The following CTNNA3 variants were observed in gnomAD, a reference collection of about 807,000 sequenced individuals.
The protein encoded by CTNNA3 is catenin alpha 3, also known as catenin alpha-3.
A neutral mutation model predicts 95.7 loss-of-function variants in CTNNA3; 76 were observed. That is an observed-to-expected ratio of 0.79 (90% CI 0.66 to 0.96). The LOEUF (loss-of-function observed/expected upper bound fraction) is 0.96. CTNNA3 is among the 40% of genes least tolerant of loss of function. The probability of loss-of-function intolerance (pLI) is 0.00; values close to 1 mark genes in which losing one functional copy is unlikely to be tolerated. For missense variants in CTNNA3, 1,191 were observed against 1,089.8 expected (o/e 1.09, Z -1.31); for synonymous variants, 431 against 374.4 (o/e 1.15, Z -1.74).
At chr10:67,726,432 C>CTAATATATAATATTATATATT (rs1841220663) in intron 1 of CTNNA3, among the ~76,000 whole-genome samples, 1 of 51,408 alleles carries the variant, frequency 1.9e-5, no homozygotes, top group African/African-American at 1.5e-4. Context: ...TATATTATAT[C>CTAATATATAATATTATATATT]ATATATAATA....
At chr10:67,548,221 A>G (rs918394305) in intron 3 of CTNNA3, among the ~76,000 whole-genome samples, 4 of 152,160 alleles carry the variant, frequency 2.6e-5, no homozygotes, top group African/African-American at 9.7e-5. Context: ...TCATGTGACA[A>G]TGCTAGCTCC....
At chr10:66,421,730 G>A (rs1456432420) in intron 11 of CTNNA3, among the ~76,000 whole-genome samples, 2 of 150,894 alleles carry the variant, frequency 1.3e-5, no homozygotes, top group Non-Finnish European at 3.0e-5. Context: ...CAGCTACTCG[G>A]GAGGCTGAGG....
intron 13 of CTNNA3, among the ~76,000 whole-genome samples, chr10:66,167,266 G>A (rs1446425798): frequency 6.6e-6 from 1 of 151,990 alleles, no homozygotes; most frequent in Non-Finnish European, 1.5e-5. Flanking sequence ...ATTTTAAAAG[G>A]AGGCAAATAG....
intron 10 of CTNNA3, among the ~76,000 whole-genome samples, chr10:66,573,492 G>A (rs554971014): frequency 8.5e-5 from 13 of 152,226 alleles, no homozygotes; most frequent in African/African-American, 3.1e-4. Flanking sequence ...AATTCTAAGT[G>A]TTTCACACAA....
chr10:67,683,193 T>C (rs1840660109), intron 1 of CTNNA3, among the ~76,000 whole-genome samples: 1 of 152,178 alleles, frequency 6.6e-6, no homozygotes, highest in South Asian at 2.1e-4. Flanking sequence ...ATCCTGCAAA[T>C]TCCCATGAAA....
At chr10:67,134,332 G>A (rs994373225) in intron 7 of CTNNA3, among the ~76,000 whole-genome samples, 4 of 152,106 alleles carry the variant, frequency 2.6e-5, no homozygotes, top group Non-Finnish European at 5.9e-5. Context: ...AAGTGATAAC[G>A]AGACTGATAA....
intron 17 of CTNNA3, among the ~76,000 whole-genome samples, chr10:65,949,112 G>A (rs1377560631): frequency 6.6e-6 from 1 of 151,964 alleles, no homozygotes; most frequent in South Asian, 2.1e-4. Flanking sequence ...TTTTTTGCTT[G>A]TCTTTTCTTT....
intron 3 of CTNNA3, among the ~76,000 whole-genome samples, chr10:67,587,727 C>CCTGTAT (rs1214610084): frequency 3.3e-5 from 5 of 152,068 alleles, no homozygotes; most frequent in Non-Finnish European, 5.9e-5. Flanking sequence ...CACTGAGCTT[C>CCTGTAT]CTGTATCTGG....
At chr10:67,495,882 T>G (rs541099550) in intron 5 of CTNNA3, among the ~76,000 whole-genome samples, 3 of 152,312 alleles carry the variant, frequency 2.0e-5, no homozygotes, top group Admixed American at 6.5e-5. Flanking sequence ...CTAACCTGTA[T>G]AGTAGGCACT....
intron 2 of CTNNA3, among the ~76,000 whole-genome samples, chr10:67,643,391 T>C (rs945246374): frequency 3.3e-5 from 5 of 151,986 alleles, no homozygotes; most frequent in African/African-American, 1.2e-4. Context: ...GATGGGATGA[T>C]CTGTGCAGCC....
chr10:66,632,871 C>T (rs1167085437), intron 9 of CTNNA3, among the ~76,000 whole-genome samples: 6 of 151,700 alleles, frequency 4.0e-5, no homozygotes, highest in African/African-American at 1.5e-4. Context: ...GAAAAAAGGC[C>T]ATTAAAAATG....
chr10:67,178,382 CTTTA>C (rs1342220618), intron 7 of CTNNA3, among the ~76,000 whole-genome samples: 1 of 151,992 alleles, frequency 6.6e-6, no homozygotes, highest in Non-Finnish European at 1.5e-5. Flanking sequence ...TATATAGTCA[CTTTA>C]TAAGTACCTC....
intron 15 of CTNNA3, among the ~76,000 whole-genome samples, chr10:65,995,813 A>G (rs1292885194): frequency 6.6e-6 from 1 of 152,152 alleles, no homozygotes; most frequent in African/African-American, 2.4e-5. Context: ...AGCACCTGAA[A>G]TACTTGCACT....
At chr10:67,598,790 A>T (rs1842997955) in intron 3 of CTNNA3, among the ~76,000 whole-genome samples, 3 of 152,172 alleles carry the variant, frequency 2.0e-5, no homozygotes, top group Admixed American at 2.0e-4. Flanking sequence ...TTAAGATGTC[A>T]CAGGACAGAG....
At chr10:66,775,030 C>G (rs539583121) in intron 8 of CTNNA3, among the ~76,000 whole-genome samples, 24 of 152,298 alleles carry the variant, frequency 1.6e-4, no homozygotes, top group African/African-American at 5.8e-4. Flanking sequence ...ATGATGAACT[C>G]TGATGTAATA....
intron 7 of CTNNA3, among the ~76,000 whole-genome samples, chr10:66,969,737 TTTTG>T (rs1316065748): frequency 6.6e-6 from 1 of 152,216 alleles, no homozygotes; most frequent in East Asian, 1.9e-4. Flanking sequence ...AGATTGAATT[TTTTG>T]TTTGTTTATT....
At chr10:67,329,688 C>A (rs192391024) in intron 5 of CTNNA3, among the ~76,000 whole-genome samples, 3 of 152,118 alleles carry the variant, frequency 2.0e-5, no homozygotes, top group Non-Finnish European at 4.4e-5. Flanking sequence ...CAAATATTTA[C>A]GGAGGGCTTA....
intron 11 of CTNNA3, among the ~76,000 whole-genome samples, chr10:66,489,556 A>G (rs891641448): frequency 6.6e-6 from 1 of 152,146 alleles, no homozygotes; most frequent in Non-Finnish European, 1.5e-5. Context: ...GTACACACAC[A>G]CACTTGCGCA....
intron 17 of CTNNA3, among the ~76,000 whole-genome samples, chr10:65,938,584 T>C (rs780328995): frequency 3.9e-5 from 6 of 152,188 alleles, no homozygotes; most frequent in Non-Finnish European, 7.3e-5. Context: ...TTTCATCTAA[T>C]GTTCTTCCTG....
Sources: allele counts gnomAD v4.1 joint callset (sites outside exome capture counted in the v4.1 genomes callset), GRCh38; gene constraint gnomAD v4.1.1; transcripts MANE v1.5; gene names NCBI Gene and HGNC (gene_info 2026-07-23, HGNC 2026-07-21).